VTA1: variants seen among roughly 807,000 people sequenced by gnomAD.
The protein encoded by VTA1 is vacuolar protein sorting-associated protein VTA1 homolog.
In VTA1, 24 loss-of-function variants were observed where a neutral mutation model predicts 36.9. That is an observed-to-expected ratio of 0.65 (90% confidence interval 0.47 to 0.91). The LOEUF (loss-of-function observed/expected upper bound fraction) is 0.91, where lower values mean the gene tolerates loss of function less well. Among genes scored for constraint, VTA1 ranks in the 40% least tolerant of loss-of-function variants. The pLI is 0.00. For missense variants in VTA1, 393 were observed against 377.2 expected, an observed-to-expected ratio of 1.04 and a Z score of -0.35; for synonymous variants, 142 against 130.2, an observed-to-expected ratio of 1.09 and a Z score of -0.62.
intron 7 of VTA1, among the ~76,000 whole-genome samples, chr6:142,212,033 T>C (rs1037231014): frequency 2.0e-5 from 3 of 152,236 alleles, no homozygotes; most frequent in Non-Finnish European, 4.4e-5. Context: ...CTGGTGACGA[T>C]GTGGAACCAC....
At position 142,215,736 on chromosome 6, in the gene VTA1, A is replaced by G. The variant is rs142665041; in HGVS notation, c.779-2762A>G. Among the ~76,000 whole-genome samples, 139 of 152,332 alleles carry G rather than the reference A, an allele frequency of 9.1e-4. 1 individual carries two copies. The East Asian group carries it at 0.024, about 26-fold the overall frequency. ...GCTGCTAAAGACTCATTTTGGAAAT[A>G]TTTACAAATAAGTGTTCTATCCTCT... On this transcript the variant is annotated intron_variant, in intron 7 of 7. Transcript: ENST00000367630.
intron 4 of VTA1, among the ~76,000 whole-genome samples, chr6:142,181,155 A>G (rs1270153829): frequency 1.5e-5 from 2 of 129,766 alleles, no homozygotes; most frequent in Non-Finnish European, 1.6e-5. Flanking sequence ...TTTTTTTGAT[A>G]CGGAGTCTCG....
chr6:142,175,877 T>C (rs1489791594), intron 4 of VTA1, among the ~76,000 whole-genome samples: 1 of 152,184 alleles, frequency 6.6e-6, no homozygotes, highest in African/African-American at 2.4e-5. Flanking sequence ...TTTAATATTT[T>C]GTCTGCCACT....
Position 142,189,433 on chromosome 6 carries a change from A to G in VTA1, c.419A>G (p.Lys140Arg), listed in dbSNP as rs1257482891. ...AAAAATGCTCTCTTTTAGAATGTGA[A>G]ACACAGGAAGTATGCCAGATGGAAG... ...VFGELTDENV[K>R]HRKYARWKAT... The change falls in exon 5 of 8, where the codon AAA becomes AGA. Residue 140 changes from lysine to arginine, a missense_variant. By Grantham distance (26) the Lys-to-Arg change is conservative. Coordinates refer to ENST00000367630, the MANE Select transcript of VTA1 (RefSeq NM_016485.5). The G allele has an allele frequency of 1.2e-6, 2 of 1,613,486 alleles. No homozygotes were observed. Among genetic ancestry groups the G allele is most frequent in the East Asian group, 4.5e-5 (2 of 44,858 alleles).
chr6:142,210,021 C>T (rs1163436285), intron 7 of VTA1, among the ~76,000 whole-genome samples: 1 of 152,046 alleles, frequency 6.6e-6, no homozygotes, highest in African/African-American at 2.4e-5. Context: ...AAATTTACTA[C>T]AAAGCTATGA....
intron 1 of VTA1, among the ~76,000 whole-genome samples, 179 bp downstream of exon 1, chr6:142,147,578 C>A (rs1778474180): frequency 6.6e-6 from 1 of 152,206 alleles, no homozygotes; most frequent in Admixed American, 6.5e-5. Context: ...TCCCAAAACA[C>A]CATGGTGTCC....
intron 1 of VTA1, among the ~76,000 whole-genome samples, chr6:142,160,600 C>T (rs567176092): frequency 6.6e-6 from 1 of 152,082 alleles, no homozygotes; most frequent in South Asian, 2.1e-4. Context: ...TCTTCCTGGG[C>T]CTTAGTTTGG....
intron 4 of VTA1, among the ~76,000 whole-genome samples, chr6:142,170,783 G>A (rs1034793620): frequency 1.3e-5 from 2 of 151,858 alleles, no homozygotes; most frequent in Non-Finnish European, 2.9e-5. Context: ...ACAGGCACAA[G>A]GCACCATAGC....
intron 4 of VTA1, among the ~76,000 whole-genome samples, chr6:142,179,639 A>T (rs958853080): frequency 6.6e-6 from 1 of 152,296 alleles, no homozygotes; most frequent in South Asian, 2.1e-4. Context: ...ATATGTGTGT[A>T]CATGCGCGCA....
At chr6:142,154,525 G>A (rs1440721024) in intron 1 of VTA1, among the ~76,000 whole-genome samples, 1 of 152,014 alleles carries the variant, frequency 6.6e-6, no homozygotes, top group African/African-American at 2.4e-5. Flanking sequence ...TGCATGTTTA[G>A]TTTTATAAGA....
chr6:142,175,362 A>T (rs1775099926), intron 4 of VTA1, among the ~76,000 whole-genome samples: 1 of 151,982 alleles, frequency 6.6e-6, no homozygotes, highest in Admixed American at 6.6e-5. Flanking sequence ...TACTTTGTAG[A>T]CCAGGCTGCT....
In VTA1 at chr6:142,170,425, A is replaced by G; in HGVS notation, c.411+4A>G. On this transcript the variant is annotated splice_donor_region_variant and intron_variant, in intron 4 of 7. Transcript: ENST00000367630. ...ATTTGGAGAACTCACTGATGAAGTG[A>G]GTGTACATTCTTTATTGTCTTATTA... is the stretch of plus-strand genomic sequence containing the variant. 1 of 1,577,146 alleles carries G rather than the reference A, an allele frequency of 6.3e-7. No homozygotes were observed. The highest frequency in any genetic ancestry group is 1.1e-5 in the South Asian group (1 of 87,466).
intron 5 of VTA1, among the ~76,000 whole-genome samples, chr6:142,189,848 G>T (rs1361476128): frequency 6.6e-6 from 1 of 151,732 alleles, no homozygotes; most frequent in Non-Finnish European, 1.5e-5. Flanking sequence ...GCTCCGCCTC[G>T]CAGGTTCATG....
intron 3 of VTA1, 90 bp from the exon 4 acceptor site, chr6:142,170,256 G>T: frequency 1.1e-6 from 1 of 895,796 alleles, no homozygotes; most frequent in Non-Finnish European, 1.8e-6. Context: ...CTTTTATAAA[G>T]ATAGGAATTT....
At chr6:142,201,804 T>G (rs1269054594) in intron 6 of VTA1, among the ~76,000 whole-genome samples, 1 of 151,984 alleles carries the variant, frequency 6.6e-6, no homozygotes, top group Non-Finnish European at 1.5e-5. Flanking sequence ...TTTCACTCAT[T>G]CTTTCCTTAT....
intron 6 of VTA1, among the ~76,000 whole-genome samples, chr6:142,200,432 A>G (rs974355403): frequency 6.6e-6 from 1 of 151,984 alleles, no homozygotes; most frequent in African/African-American, 2.4e-5. Flanking sequence ...CCTTATAGAA[A>G]GACTGTCCAA....
chr6:142,217,685 C>G (rs915818676), intron 7 of VTA1, among the ~76,000 whole-genome samples: 3 of 151,888 alleles, frequency 2.0e-5, no homozygotes, highest in African/African-American at 4.8e-5. Context: ...TTGTTATAGT[C>G]TATGCCTCCC....
chr6:142,205,347 C>T (rs944041994), intron 7 of VTA1, among the ~76,000 whole-genome samples: 9 of 152,036 alleles, frequency 5.9e-5, no homozygotes, highest in African/African-American at 2.2e-4. Context: ...GTTACTTTAT[C>T]ATTTCATTAT....
chr6:142,186,023 T>C (rs1775332667), intron 4 of VTA1, among the ~76,000 whole-genome samples: 2 of 152,204 alleles, frequency 1.3e-5, no homozygotes, highest in South Asian at 4.1e-4. Context: ...CCTTATATAA[T>C]TATAAACTAT....
Sources: gnomAD v4.1 joint callset for allele counts (sites outside exome capture counted in the v4.1 genomes callset) on GRCh38, gnomAD v4.1.1 for gene constraint, MANE v1.5 for transcripts, NCBI Gene and HGNC (gene_info 2026-07-23, HGNC 2026-07-21) for gene names.